Variants in SBF2 observed in about 807,000 individuals in gnomAD.
SBF2 encodes the protein myotubularin-related protein 13.
A neutral mutation model predicts 225.2 loss-of-function variants in SBF2; 112 were observed. That is an observed-to-expected ratio of 0.50 (90% confidence interval 0.43 to 0.58). The LOEUF is 0.58. Among genes scored for constraint, SBF2 ranks in the 20% least tolerant of loss-of-function variants. The probability of loss-of-function intolerance (pLI) is 0.00; values close to 1 mark genes in which losing one functional copy is unlikely to be tolerated. For synonymous variants in SBF2, 763 were observed against 773.3 expected (o/e 0.99, Z 0.22); for missense variants, 1,996 against 2,206.2 (o/e 0.90, Z 1.91).
At chr11:9,892,452 C>T (rs1253684024) in intron 17 of SBF2, among the ~76,000 whole-genome samples, 2 of 151,988 alleles carry the variant, frequency 1.3e-5, no homozygotes, top group Non-Finnish European at 2.9e-5. Flanking sequence ...CACTCCTTTT[C>T]CCCAGGAAGG....
intron 17 of SBF2, among the ~76,000 whole-genome samples, chr11:9,876,449 GA>G (rs1859247700): frequency 1.3e-5 from 2 of 152,130 alleles, no homozygotes; most frequent in African/African-American, 4.8e-5. Flanking sequence ...AAGGTTATAT[GA>G]GGTCATAAGG....
rs1210133358 is a variant in SBF2, at chr11:10,198,753, C to CA, written c.56-4767dup. Among the ~76,000 whole-genome samples the CA allele has an allele frequency of 2.0e-5, 3 of 152,246 alleles. No individual in the cohort carries two copies. The East Asian group carries it at 5.8e-4, about 29-fold the overall frequency. On this transcript the variant is annotated intron_variant, in intron 1 of 39. Transcript: ENST00000256190. ...TCTGCATAACTTGCAGCAGCTTCTA[C>CA]ATAAGCACTTGCTGCTTCACCTTGC...
intron 36 of SBF2, among the ~76,000 whole-genome samples, chr11:9,786,972 T>C (rs1312087208): frequency 6.6e-6 from 1 of 152,206 alleles, no homozygotes; most frequent in Admixed American, 6.5e-5. Context: ...GCTCACTCAC[T>C]GCAACCTCCG....
chr11:10,267,785 G>C (rs1270921013), intron 1 of SBF2, among the ~76,000 whole-genome samples: 2 of 152,100 alleles, frequency 1.3e-5, no homozygotes, highest in East Asian at 3.9e-4. Context: ...CAGTGAAAGG[G>C]AGTTTAAGGT....
chr11:9,945,330 G>A (rs1865501810), intron 16 of SBF2, among the ~76,000 whole-genome samples: 1 of 152,092 alleles, frequency 6.6e-6, no homozygotes, highest in African/African-American at 2.4e-5. Context: ...AAAGTCAAGA[G>A]TAAGAAGCAA....
chr11:10,284,663 T>C (rs1963628732), intron 1 of SBF2, among the ~76,000 whole-genome samples: 1 of 152,106 alleles, frequency 6.6e-6, no homozygotes, highest in Admixed American at 6.5e-5. Flanking sequence ...CAGGCTGGAG[T>C]ACAATGGCAA....
chr11:10,196,866 A>ATATATATATATATATATATATATATTTTT, intron 1 of SBF2, among the ~76,000 whole-genome samples: 24 of 99,302 alleles, frequency 2.4e-4, no homozygotes, highest in South Asian at 3.5e-4. Context: ...ATATATATAT[A>ATATATATATATATATATATATATATTTTT]TTTTTTTTTT....
intron 2 of SBF2, among the ~76,000 whole-genome samples, chr11:10,093,756 T>A (rs58793550): frequency 6.6e-6 from 1 of 152,206 alleles, no homozygotes; most frequent in Admixed American, 6.5e-5. Flanking sequence ...TAGCCTGAAA[T>A]ACCTTTGTGT....
chr11:10,077,072 C>T (rs1951150497), intron 2 of SBF2, among the ~76,000 whole-genome samples: 1 of 152,146 alleles, frequency 6.6e-6, no homozygotes, highest in African/African-American at 2.4e-5. Context: ...CTACTGGCTG[C>T]AAGGCCAACC....
At chr11:9,918,094 C>T (rs1223063691) in intron 16 of SBF2, among the ~76,000 whole-genome samples, 2 of 148,568 alleles carry the variant, frequency 1.3e-5, no homozygotes, top group Non-Finnish European at 2.9e-5. Context: ...CTAGGGACCA[C>T]GAATTAAGCA....
At chr11:10,228,598 T>C (rs997130729) in intron 1 of SBF2, among the ~76,000 whole-genome samples, 12 of 152,190 alleles carry the variant, frequency 7.9e-5, no homozygotes, top group Admixed American at 7.9e-4. Flanking sequence ...TTGTCTTTGG[T>C]TCTGTTTATA....
At chr11:10,061,119 A>C (rs1950429177) in intron 2 of SBF2, among the ~76,000 whole-genome samples, 1 of 152,252 alleles carries the variant, frequency 6.6e-6, no homozygotes, top group South Asian at 2.1e-4. Context: ...TTATATCACT[A>C]GATGCAGAAA....
chr11:10,173,377 C>A (rs994917700), intron 2 of SBF2, among the ~76,000 whole-genome samples: 2 of 152,204 alleles, frequency 1.3e-5, no homozygotes, highest in African/African-American at 4.8e-5. Flanking sequence ...AGTTCCCTTT[C>A]CTAGTCAAAG....
intron 1 of SBF2, among the ~76,000 whole-genome samples, chr11:10,252,451 T>C (rs192389499): frequency 6.1e-4 from 93 of 152,296 alleles, no homozygotes; most frequent in Non-Finnish European, 9.0e-4. Context: ...TCTTGGCCAA[T>C]CCCATCGGCC....
At chr11:10,169,514 T>C (rs1956105358) in intron 2 of SBF2, among the ~76,000 whole-genome samples, 1 of 152,216 alleles carries the variant, frequency 6.6e-6, no homozygotes, top group Admixed American at 6.5e-5. Context: ...CAGAATCTCG[T>C]TCTTCTTATG....
At chr11:10,072,248 C>A (rs1340115494) in intron 2 of SBF2, among the ~76,000 whole-genome samples, 1 of 152,088 alleles carries the variant, frequency 6.6e-6, no homozygotes, top group East Asian at 1.9e-4. Context: ...GATATTAAGA[C>A]TATAGTTCCT....
chr11:9,849,590 G>T (rs1233867246), intron 22 of SBF2, among the ~76,000 whole-genome samples: 1 of 152,170 alleles, frequency 6.6e-6, no homozygotes, highest in Non-Finnish European at 1.5e-5. Flanking sequence ...AGGGAAGTGG[G>T]ATTAGTTGGT....
At chr11:9,996,209 A>G (rs963487765) in intron 9 of SBF2, among the ~76,000 whole-genome samples, 13 of 152,206 alleles carry the variant, frequency 8.5e-5, no homozygotes, top group Non-Finnish European at 1.8e-4. Context: ...ATAACTATTC[A>G]TATCACTAGT....
intron 2 of SBF2, among the ~76,000 whole-genome samples, chr11:10,178,270 G>A (rs879680333): frequency 1.3e-5 from 2 of 150,810 alleles, no homozygotes; most frequent in Non-Finnish European, 2.9e-5. Context: ...TACCATTCAG[G>A]ACATAAGCAT....
Sources: gnomAD v4.1 joint callset for allele counts (sites outside exome capture counted in the v4.1 genomes callset) on GRCh38, gnomAD v4.1.1 for gene constraint, MANE v1.5 for transcripts, NCBI Gene and HGNC (gene_info 2026-07-23, HGNC 2026-07-21) for gene names.